The following ADGRV1 variants were observed in gnomAD, a reference collection of about 807,000 sequenced individuals.
The protein encoded by ADGRV1 is G-protein coupled receptor 98.
Under a neutral mutation model 596.2 loss-of-function variants are expected in ADGRV1, and 359 were observed. The observed-to-expected ratio is 0.60, with a 90% CI of 0.55 to 0.66. The LOEUF (loss-of-function observed/expected upper bound fraction) is 0.66, where lower values mean the gene tolerates loss of function less well. Ranked by LOEUF, ADGRV1 falls within the 30% of genes least tolerant of loss-of-function variation. The pLI is 0.00. For synonymous variants in ADGRV1, 2,681 were observed against 2,679.2 expected (o/e 1.00, Z -0.02); for missense variants, 7,274 against 7,575.6 (o/e 0.96, Z 1.48).
chr5:90,834,760 CT>C (rs1300150976), intron 77 of ADGRV1, among the ~76,000 whole-genome samples: 1 of 151,510 alleles, frequency 6.6e-6, no homozygotes, highest in Non-Finnish European at 1.5e-5. Context: ...TTTACATCCC[CT>C]TTAAGGCCAA....
intron 84 of ADGRV1, among the ~76,000 whole-genome samples, chr5:90,980,524 G>GCACC (rs1222710091): frequency 1.3e-5 from 2 of 152,154 alleles, no homozygotes; most frequent in African/African-American, 4.8e-5. Context: ...TTGTGAGGGT[G>GCACC]GGTGGTCTTA....
intron 50 of ADGRV1, 40 bp from the exon 51 acceptor site, chr5:90,745,006 T>A (rs915592549): frequency 1.4e-6 from 2 of 1,456,798 alleles, no homozygotes; most frequent in Non-Finnish European, 1.9e-6. Flanking sequence ...AGGTGACAGT[T>A]TATATCTCAC....
intron 37 of ADGRV1, among the ~76,000 whole-genome samples, chr5:90,705,969 A>T (rs899252719): frequency 6.6e-6 from 1 of 152,186 alleles, no homozygotes; most frequent in Admixed American, 6.5e-5. Context: ...CCAGCACATC[A>T]TCATTTTTAC....
chr5:90,818,509 G>A (rs1445966373), intron 75 of ADGRV1, among the ~76,000 whole-genome samples: 6,731 of 149,588 alleles, frequency 0.045, 463 homozygotes, highest in African/African-American at 0.16. Context: ...CAAAGGGAAT[G>A]CTTCCAGTTT....
At chr5:90,584,210 T>C (rs1200721342) in intron 1 of ADGRV1, among the ~76,000 whole-genome samples, 1 of 152,214 alleles carries the variant, frequency 6.6e-6, no homozygotes, top group African/African-American at 2.4e-5. Context: ...TAGCTGCTAT[T>C]AGCTAATACT....
intron 86 of ADGRV1, among the ~76,000 whole-genome samples, chr5:91,101,165 G>C (rs1197155814): frequency 6.6e-6 from 1 of 152,130 alleles, no homozygotes; most frequent in Non-Finnish European, 1.5e-5. Flanking sequence ...ATTATTCAGA[G>C]GGTAATGGGG....
Position 90,840,722 on chromosome 5 carries a change from G to T in ADGRV1, c.16756G>T (p.Gly5586Ter). Residue 5586 changes from glycine (G) to a stop codon, truncating the protein, a stop_gained, in exon 78 of 90, where the codon GGA (glycine) becomes TGA (stop). Transcript: ENST00000405460. LOFTEE classifies it high-confidence loss of function. Reference protein sequence around the residue: ...VLDVILTPETGSLNSFPKRFQ... With the variant: ...VLDVILTPET ...GGATGTCATCCTAACGCCAGAGACA[G>T]GATCTTTAAATTCATTTCCTAAACG... 1 of 1,613,970 alleles carries T rather than the reference G, an allele frequency of 6.2e-7. No individual in the cohort carries two copies. The highest frequency in any genetic ancestry group is 2.2e-5 in the East Asian group (1 of 44,882).
At chr5:90,645,494 T>G (rs1441662934) in intron 15 of ADGRV1, among the ~76,000 whole-genome samples, 1 of 152,192 alleles carries the variant, frequency 6.6e-6, no homozygotes. Flanking sequence ...TCAAATCTTG[T>G]TAGGACATGG....
intron 83 of ADGRV1, among the ~76,000 whole-genome samples, chr5:90,916,516 G>T (rs1773369099): frequency 6.6e-6 from 1 of 151,886 alleles, no homozygotes; most frequent in Admixed American, 6.6e-5. Context: ...AGGTAAAGAA[G>T]CAATGTTTTA....
chr5:90,824,093 T>C (rs1197313661), intron 76 of ADGRV1, among the ~76,000 whole-genome samples: 1 of 151,878 alleles, frequency 6.6e-6, no homozygotes, highest in Non-Finnish European at 1.5e-5. Flanking sequence ...GCATGGTATC[T>C]CTTTTTTATA....
At chr5:90,964,140 T>C (rs1267012421) in intron 83 of ADGRV1, among the ~76,000 whole-genome samples, 1 of 152,008 alleles carries the variant, frequency 6.6e-6, no homozygotes, top group African/African-American at 2.4e-5. Context: ...AACAAGAGGA[T>C]TGGGGAAGGG....
At chr5:91,015,040 A>G (rs1050265292) in intron 85 of ADGRV1, among the ~76,000 whole-genome samples, 8 of 151,922 alleles carry the variant, frequency 5.3e-5, no homozygotes, top group Non-Finnish European at 1.2e-4. Flanking sequence ...CCCTCTTAAC[A>G]CTACCTTACC....
rs1312639777 is a variant in ADGRV1 at position 90,701,832 on chromosome 5, C to G, written c.8156-1833C>G. ...TGTATTTATGCCCAAATCTCTGTGT[C>G]TAAACTTGCAACTGCAATTTTATTA... is the stretch of plus-strand genomic sequence containing the variant. On this transcript the variant is annotated intron_variant, in intron 34 of 89. Coordinates refer to ENST00000405460, the MANE Select transcript of ADGRV1 (RefSeq NM_032119.4). Among the ~76,000 whole-genome samples the G allele has an allele frequency of 2.0e-5, 3 of 151,810 alleles. No homozygotes were observed. In the East Asian group the frequency reaches 5.8e-4, roughly 29 times the overall value.
intron 55 of ADGRV1, 63 bp downstream of exon 55, chr5:90,755,248 G>A: frequency 9.4e-7 from 1 of 1,068,984 alleles, no homozygotes; most frequent in South Asian, 1.6e-5. Flanking sequence ...GTAAAATTGT[G>A]ATGCTCTTGT....
At position 90,643,857 on chromosome 5, in the gene ADGRV1, T is replaced by G; in HGVS notation, c.2608T>G (p.Leu870Val). ...CAGCCACGGAGAACGGGAAAGCAAGTTGGGAAGTGCCACCATTGTCAATAT... is the reference window on the plus strand; with the variant it reads ...CAGCCACGGAGAACGGGAAAGCAAGGTGGGAAGTGCCACCATTGTCAATAT... ...LSSHGERESK[L>V]GSATIVNITI... The change falls in exon 14 of 90, where the codon TTG becomes GTG. Residue 870 changes from leucine (L) to valine (V), a missense_variant. Physicochemically the swap from Leu to Val is conservative, Grantham distance 32. Coordinates refer to ENST00000405460, the MANE Select transcript of ADGRV1 (RefSeq NM_032119.4). 2 of 1,611,400 alleles carry G rather than the reference T, an allele frequency of 1.2e-6. No individual in the cohort carries two copies. The highest frequency in any genetic ancestry group is 1.7e-6 in the Non-Finnish European group (2 of 1,178,512).
intron 45 of ADGRV1, among the ~76,000 whole-genome samples, chr5:90,722,669 C>T (rs1188573291): frequency 2.4e-5 from 3 of 125,206 alleles, no homozygotes; most frequent in Non-Finnish European, 4.7e-5. Context: ...GAGCCGAGAT[C>T]GCACCATTGC....
chr5:91,156,812 A>T (rs1447694801), intron 89 of ADGRV1, among the ~76,000 whole-genome samples: 1 of 152,206 alleles, frequency 6.6e-6, no homozygotes, highest in African/African-American at 2.4e-5. Context: ...ATGGTCAAAT[A>T]AAGGTCAGTC....
chr5:90,776,175 C>T lies in ADGRV1; in HGVS notation c.12404-278C>T, dbSNP rs546455601. Among the ~76,000 whole-genome samples the T allele has an allele frequency of 2.7e-4, 41 of 152,166 alleles. 1 individual carries two copies. The highest frequency in any genetic ancestry group is 3.4e-3 in the Middle Eastern group (1 of 294). On this transcript the variant is annotated intron_variant, in intron 60 of 89. Transcript: ENST00000405460. ...AAATTAATGCCAATGGTAGAGGAGC[C>T]CTTGCTTTTCATGAGCATGATAGGG... is the stretch of plus-strand genomic sequence containing the variant.
intron 87 of ADGRV1, among the ~76,000 whole-genome samples, chr5:91,139,341 T>C (rs902972916): frequency 6.6e-6 from 1 of 152,194 alleles, no homozygotes. Flanking sequence ...AAGCCCAGTA[T>C]ATATGTATCT....
Sources: allele counts gnomAD v4.1 joint callset (sites outside exome capture counted in the v4.1 genomes callset), GRCh38; gene constraint gnomAD v4.1.1; transcripts MANE v1.5; gene names NCBI Gene and HGNC (gene_info 2026-07-23, HGNC 2026-07-21).